PCM1: variants seen among roughly 807,000 people sequenced by gnomAD.
PCM1 encodes the protein pericentriolar material 1 protein.
In PCM1, 157 loss-of-function variants were observed where a neutral mutation model predicts 241.9. The ratio of observed to expected loss-of-function variants is 0.65; its 90% CI spans 0.57 to 0.74. The LOEUF is 0.74. PCM1 is among the 30% of genes least tolerant of loss of function. PCM1 has a pLI of 0.00. For synonymous variants in PCM1, 1,085 were observed against 784.9 expected (o/e 1.38, Z -6.39); for missense variants, 3,478 against 2,360.1 (o/e 1.47, Z -9.81).
At chr8:18,009,447 T>A in intron 30 of PCM1, 100 bp from the exon 31 acceptor site, 1 of 723,052 alleles carries the variant, frequency 1.4e-6, no homozygotes, top group Non-Finnish European at 2.3e-6. Context: ...TCCTTAGTAA[T>A]CATAAACATT....
At chr8:17,991,930 A>G (rs1588007309) in intron 28 of PCM1, among the ~76,000 whole-genome samples, 1 of 152,124 alleles carries the variant, frequency 6.6e-6, no homozygotes, top group East Asian at 1.9e-4. Context: ...CTTAGCTACC[A>G]CTTATGAGTG....
intron 36 of PCM1, among the ~76,000 whole-genome samples, chr8:18,020,788 T>C (rs752542853): frequency 6.6e-6 from 1 of 152,188 alleles, no homozygotes; most frequent in Non-Finnish European, 1.5e-5. Flanking sequence ...TCATTTTCCA[T>C]TTATACAGAT....
In PCM1 at chr8:17,966,836, T is replaced by C. The variant is rs145019841; in HGVS notation, c.3222-144T>C. On this transcript the variant is annotated intron_variant, in intron 20 of 38. Transcript: ENST00000325083. ...GGGAAAGTTATTGAATTAAGCCTTA[T>C]AGAGCAAGCACGTATTTGTTACAGT... 378 of 724,472 alleles carry C rather than the reference T, an allele frequency of 5.2e-4. 3 individuals carry two copies. In the Middle Eastern group the frequency reaches 7.3e-3, roughly 14 times the overall value. 44.9% of individuals were successfully genotyped at this position (724,472 alleles called of 1,614,324 possible). A position where few individuals can be genotyped will look rare whatever the true frequency, so the allele number is the denominator to read the frequency against.
chr8:17,938,220 C>T (rs1319241582), intron 4 of PCM1, among the ~76,000 whole-genome samples: 2 of 152,120 alleles, frequency 1.3e-5, no homozygotes, highest in Non-Finnish European at 2.9e-5. Flanking sequence ...GAAAATTTAA[C>T]ACCTGACCTT....
chr8:17,948,621 A>T (rs2064829522), intron 7 of PCM1, among the ~76,000 whole-genome samples: 1 of 152,120 alleles, frequency 6.6e-6, no homozygotes, highest in Non-Finnish European at 1.5e-5. Context: ...ACTCTTTTGT[A>T]GTAATGATAT....
chr8:17,930,653 C>T (rs1342309866), intron 2 of PCM1, among the ~76,000 whole-genome samples: 3 of 151,450 alleles, frequency 2.0e-5, no homozygotes, highest in East Asian at 2.0e-4. Flanking sequence ...CCGAGGCGGG[C>T]GGATCACGAG....
Position 17,991,684 on chromosome 8 carries a change from A to C in PCM1, c.4674A>C (p.Thr1558=). 2 of 1,551,160 alleles carry C rather than the reference A, an allele frequency of 1.3e-6. No homozygotes were observed. Among genetic ancestry groups the C allele is most frequent in the Non-Finnish European group, 1.7e-6 (2 of 1,147,268 alleles). Residue 1558 remains threonine (T), a synonymous_variant, in exon 28 of 39, where the codon ACA becomes ACC. Coordinates refer to ENST00000325083, the MANE Select transcript of PCM1 (RefSeq NM_006197.4). ...GAGATGGTGCTGGTGCAGGTACTAC[A>C]GTTAATAATTTAGAAGGTATATATT... ...EDGDGAGAGT[T]VNNLEETPVI...
chr8:17,946,452 G>A (rs536181530), intron 6 of PCM1, among the ~76,000 whole-genome samples: 1 of 151,596 alleles, frequency 6.6e-6, no homozygotes, highest in African/African-American at 2.4e-5. Flanking sequence ...TACTTTCTAG[G>A]TTTTGTTGTT....
intron 2 of PCM1, among the ~76,000 whole-genome samples, chr8:17,934,386 C>G (rs907393719): frequency 1.3e-5 from 2 of 151,978 alleles, no homozygotes; most frequent in East Asian, 1.9e-4. Flanking sequence ...CTCAGCCTCC[C>G]GAGTAGCTGG....
intron 24 of PCM1, 141 bp from the exon 25 acceptor site, chr8:17,985,306 C>T (rs866556663): frequency 1.9e-6 from 1 of 532,740 alleles, no homozygotes; most frequent in Non-Finnish European, 3.2e-6. Context: ...AGCTTCTTTT[C>T]TACTTTAAAA....
intron 29 of PCM1, among the ~76,000 whole-genome samples, chr8:18,003,809 A>C (rs1335049375): frequency 3.3e-5 from 5 of 152,136 alleles, no homozygotes; most frequent in Admixed American, 2.6e-4. Context: ...AATTTTAAGA[A>C]TATAGATTTT....
rs368892136 is a variant in PCM1, at chr8:17,946,832, AGTGTGT to A, written c.784-319_784-314del. The stretch of plus-strand genomic sequence containing the variant: ...TTTTCTGTAGGGGCCTAGATTCTTC[AGTGTGT>A]GTGTGTGTGTGTGTGTGTGTGTGTG... On this transcript the variant is annotated intron_variant, in intron 6 of 38. Coordinates refer to ENST00000325083, the MANE Select transcript of PCM1 (RefSeq NM_006197.4). Among the ~76,000 whole-genome samples, 797 of 138,354 alleles carry A rather than the reference AGTGTGT, an allele frequency of 5.8e-3. 2 individuals carry two copies. Among genetic ancestry groups the A allele is most frequent in the South Asian group, 9.9e-3 (41 of 4,150 alleles). The allele number at this position is 138,354 out of a possible 152,430, so 90.8% of individuals were successfully genotyped here. A position where few individuals can be genotyped will look rare whatever the true frequency, so the allele number is the denominator to read the frequency against.
chr8:17,953,791 A>G (rs957822189), intron 9 of PCM1, among the ~76,000 whole-genome samples: 12 of 152,230 alleles, frequency 7.9e-5, no homozygotes, highest in East Asian at 3.9e-4. Context: ...TTCAGTTCCT[A>G]TCCTAATACC....
intron 2 of PCM1, chr8:17,926,887 A>G (rs1488147089): frequency 6.6e-6 from 1 of 152,146 alleles, no homozygotes; most frequent in East Asian, 1.9e-4. Context: ...TGAACAAATT[A>G]TCAGTTCAGT....
intron 6 of PCM1, among the ~76,000 whole-genome samples, chr8:17,945,945 G>A (rs956308764): frequency 3.9e-5 from 6 of 152,096 alleles, no homozygotes; most frequent in African/African-American, 1.2e-4. Flanking sequence ...AGGTAAAATC[G>A]TTCAACTTTT....
At chr8:18,015,854 G>T (rs1401140830) in intron 36 of PCM1, 1 of 152,132 alleles carries the variant, frequency 6.6e-6, no homozygotes, top group Non-Finnish European at 1.5e-5. Context: ...CGGATTTCAG[G>T]CTCCACAGTT....
chr8:17,965,858 T>A (rs956072959), intron 18 of PCM1, 141 bp from the exon 19 acceptor site: 3 of 583,486 alleles, frequency 5.1e-6, no homozygotes, highest in Non-Finnish European at 9.0e-6. Flanking sequence ...TTCTCCCCCC[T>A]CTATATTTTT....
intron 2 of PCM1, among the ~76,000 whole-genome samples, chr8:17,930,496 G>C (rs531261003): frequency 6.6e-6 from 1 of 152,242 alleles, no homozygotes; most frequent in East Asian, 1.9e-4. Flanking sequence ...TATTTGTAAT[G>C]GTGACATTTA....
intron 27 of PCM1, among the ~76,000 whole-genome samples, 194 bp from the exon 28 acceptor site, chr8:17,991,348 A>C (rs981575879): frequency 1.3e-5 from 2 of 152,128 alleles, no homozygotes; most frequent in Non-Finnish European, 2.9e-5. Context: ...AATGTCATCT[A>C]CTATATAGGA....
Sources: gnomAD v4.1 joint callset for allele counts (sites outside exome capture counted in the v4.1 genomes callset) on GRCh38, gnomAD v4.1.1 for gene constraint, MANE v1.5 for transcripts, NCBI Gene and HGNC (gene_info 2026-07-23, HGNC 2026-07-21) for gene names.